Variants in VAV2 observed in about 807,000 individuals in gnomAD.
VAV2 encodes the protein guanine nucleotide exchange factor VAV2.
A neutral mutation model predicts 132.5 loss-of-function variants in VAV2; 67 were observed. The ratio of observed to expected loss-of-function variants is 0.51; its 90% CI spans 0.42 to 0.62. VAV2 has a LOEUF of 0.62. Ranked by LOEUF, VAV2 falls within the 20% of genes least tolerant of loss-of-function variation. The pLI is 0.00. For missense variants in VAV2, 938 were observed against 1,153.6 expected, an observed-to-expected ratio of 0.81 and a Z score of 2.71; for synonymous variants, 492 against 443.5, an observed-to-expected ratio of 1.11 and a Z score of -1.37.
At chr9:133,946,371 G>C (rs1841359924) in intron 1 of VAV2, among the ~76,000 whole-genome samples, 2 of 152,206 alleles carry the variant, frequency 1.3e-5, no homozygotes, top group Non-Finnish European at 2.9e-5. Flanking sequence ...GGGAACCTGG[G>C]CACCACAGCC....
chr9:133,922,308 A>G (rs748432632), intron 2 of VAV2, among the ~76,000 whole-genome samples: 71 of 152,300 alleles, frequency 4.7e-4, no homozygotes, highest in Non-Finnish European at 7.4e-4. Flanking sequence ...AAGGGGCTTG[A>G]CACCCACGGG....
intron 1 of VAV2, among the ~76,000 whole-genome samples, chr9:133,984,192 T>C (rs1309825533): frequency 6.6e-6 from 1 of 152,174 alleles, no homozygotes; most frequent in Non-Finnish European, 1.5e-5. Context: ...CAAGCTGGTC[T>C]CAAAATCCTG....
chr9:133,765,970 A>G (rs55702747), intron 29 of VAV2, among the ~76,000 whole-genome samples: 4,753 of 152,344 alleles, frequency 0.031, 260 homozygotes, highest in African/African-American at 0.11. Context: ...AACATTTTAC[A>G]ATGTGAATAT....
intron 2 of VAV2, among the ~76,000 whole-genome samples, chr9:133,922,432 TCA>T (rs1461773780): frequency 6.6e-6 from 1 of 152,242 alleles, no homozygotes; most frequent in Non-Finnish European, 1.5e-5. Flanking sequence ...GGCAGCCCCT[TCA>T]CAGTGAGCAG....
rs1840882189 is a variant in VAV2 at position 133,935,675 on chromosome 9, C to T, written c.321+3428G>A. Among the ~76,000 whole-genome samples, 1 of 152,250 alleles carries T rather than the reference C, an allele frequency of 6.6e-6. No individual in the cohort carries two copies. Among genetic ancestry groups the T allele is most frequent in the Admixed American group, 6.5e-5 (1 of 15,290 alleles). On this transcript the variant is annotated intron_variant, in intron 2 of 29. Coordinates refer to ENST00000371850, the MANE Select transcript of VAV2 (RefSeq NM_001134398.2). This position sits in a 1 kb window ranked among gnomAD's most constrained non-coding sequence, Gnocchi z 5.2. Reference sequence around the variant, plus strand: ...TCAGGCTCCAGACCGTGGTGAACGTCCCAGCTCCCCAGCCTCCGCTGGCCC... The same window carrying T: ...TCAGGCTCCAGACCGTGGTGAACGTTCCAGCTCCCCAGCCTCCGCTGGCCC...
At position 133,788,492 on chromosome 9, in the gene VAV2, C is replaced by CCAGG. The variant is rs1834324280; in HGVS notation, c.1275-10_1275-7dup. On this transcript the variant is annotated splice_polypyrimidine_tract_variant and splice_region_variant and intron_variant, in intron 14 of 29. Coordinates refer to ENST00000371850, the MANE Select transcript of VAV2 (RefSeq NM_001134398.2). The surrounding 1 kb of genome is among the most constrained non-coding windows in gnomAD (Gnocchi z 5.3). ...TGTCAAACAGGAACAAGTACCTGGG[C>CCAGG]CAGGCAGCGCAGCGGGGGATCAGCA... The CCAGG allele has an allele frequency of 1.2e-6, 2 of 1,604,328 alleles. No homozygotes were observed. The highest frequency in any genetic ancestry group is 2.2e-5 in the South Asian group (2 of 90,910).
intron 2 of VAV2, among the ~76,000 whole-genome samples, chr9:133,872,973 T>A (rs916395737): frequency 6.6e-6 from 1 of 151,638 alleles, no homozygotes; most frequent in Admixed American, 6.6e-5. Context: ...ATTAGCCAGG[T>A]GTGGTGGTGT....
intron 1 of VAV2, among the ~76,000 whole-genome samples, chr9:133,983,415 CA>C (rs1842758350): frequency 6.6e-6 from 1 of 152,290 alleles, no homozygotes; most frequent in African/African-American, 2.4e-5. Flanking sequence ...AACAGAGGCA[CA>C]GGGGGTGGGG....
At chr9:133,872,022 T>C (rs1160519657) in intron 2 of VAV2, among the ~76,000 whole-genome samples, 1 of 152,180 alleles carries the variant, frequency 6.6e-6, no homozygotes, top group Non-Finnish European at 1.5e-5. Flanking sequence ...TGGAAGGTTC[T>C]CCCAGCTGGA....
intron 1 of VAV2, among the ~76,000 whole-genome samples, chr9:133,963,146 G>A (rs1055079887): frequency 2.6e-5 from 4 of 152,106 alleles, no homozygotes; most frequent in East Asian, 1.9e-4. Flanking sequence ...GATGGTGCCC[G>A]GCAGAACTCG....
intron 2 of VAV2, among the ~76,000 whole-genome samples, chr9:133,897,720 A>G (rs1839269905): frequency 6.6e-6 from 1 of 152,162 alleles, no homozygotes; most frequent in African/African-American, 2.4e-5. Context: ...CCAAATATGG[A>G]ATTTCCAAGT....
In VAV2 at chr9:133,879,111, T is replaced by C. The variant is rs992203618; in HGVS notation, c.322-17679A>G. On this transcript the variant is annotated intron_variant, in intron 2 of 29. Transcript: ENST00000371850. The surrounding 1 kb of genome is among the most constrained non-coding windows in gnomAD (Gnocchi z 4.4). ...TCCAGAGGGGACCGGGCCGGGCTTG[T>C]GCTGCTGAACCTGGCTCTGGACCCC... 6.6e-6 allele frequency among the ~76,000 whole-genome samples: 1 copy of C among 152,198 alleles called. No homozygotes were observed. Among genetic ancestry groups the C allele is most frequent in the African/African-American group, 2.4e-5 (1 of 41,454 alleles).
chr9:133,776,218 C>A (rs1036754229), intron 23 of VAV2, 138 bp from the exon 24 acceptor site: 11 of 1,231,624 alleles, frequency 8.9e-6, no homozygotes, highest in South Asian at 5.4e-5. Flanking sequence ...TTAGCCCCAG[C>A]GCCCCTGGCC....
rs17151013 is a variant in VAV2, at chr9:133,802,592, C to T, written c.836+3489G>A. On this transcript the variant is annotated intron_variant, in intron 9 of 29. Transcript: ENST00000371850. The surrounding 1 kb of genome is among the most constrained non-coding windows in gnomAD (Gnocchi z 5.8). ...GCTGACAAGGTATGTGGTTCCCTTG[C>T]TCGTGAGTTGACAGACCCGTGGCCC... Among the ~76,000 whole-genome samples, 21,875 of 152,202 alleles carry T rather than the reference C, an allele frequency of 0.14. 3,857 individuals are homozygous for T. Among genetic ancestry groups the T allele is most frequent in the African/African-American group, 0.42 (17,331 of 41,454 alleles).
rs576688597 is a variant in VAV2, at chr9:133,971,902, G to A, written c.204+20173C>T. 5.3e-5 allele frequency among the ~76,000 whole-genome samples: 8 copies of A among 152,278 alleles called. No homozygotes were observed. The East Asian group carries it at 1.4e-3, about 26-fold the overall frequency. On this transcript the variant is annotated intron_variant, in intron 1 of 29. Transcript: ENST00000371850. ...TCTGCAGGCAAAAAAGGCCCCTGGGGCTGCAGATCCCCGAGCCCTTGGTCA... is the reference window on the plus strand; with the variant it reads ...TCTGCAGGCAAAAAAGGCCCCTGGGACTGCAGATCCCCGAGCCCTTGGTCA...
In VAV2 at chr9:133,981,062, C is replaced by T. The variant is rs112149076; in HGVS notation, c.204+11013G>A. On this transcript the variant is annotated intron_variant, in intron 1 of 29. Transcript: ENST00000371850. ...GACCCTGCCAACAGCAAAGCCTGCA[C>T]GTGCCCCATCTTCGCCCAGTCAAAC... 4.9e-3 allele frequency among the ~76,000 whole-genome samples: 752 copies of T among 152,318 alleles called. 5 individuals carry two copies. The highest frequency in any genetic ancestry group is 0.017 in the African/African-American group (704 of 41,570).
intron 1 of VAV2, among the ~76,000 whole-genome samples, chr9:133,989,813 C>A (rs991036378): frequency 1.4e-4 from 22 of 152,218 alleles, no homozygotes; most frequent in African/African-American, 4.8e-4. Flanking sequence ...AATGAACAGG[C>A]GGGGCTGTCA....
intron 9 of VAV2, among the ~76,000 whole-genome samples, chr9:133,805,391 C>G (rs1044275038): frequency 6.6e-6 from 1 of 152,192 alleles, no homozygotes; most frequent in Non-Finnish European, 1.5e-5. Flanking sequence ...CCCCGAGGGA[C>G]AGAGAGCTTG....
chr9:133,843,946 G>T (rs1466127540), intron 3 of VAV2, among the ~76,000 whole-genome samples: 1 of 152,158 alleles, frequency 6.6e-6, no homozygotes, highest in African/African-American at 2.4e-5. Context: ...GCCATGGCAG[G>T]TCCAGCGAGG....
Sources: gnomAD v4.1 joint callset for allele counts (sites outside exome capture counted in the v4.1 genomes callset) on GRCh38, gnomAD v4.1.1 for gene constraint, Gnocchi (gnomAD v3.1) non-coding constraint, MANE v1.5 for transcripts, NCBI Gene and HGNC (gene_info 2026-07-23, HGNC 2026-07-21) for gene names.